The following STIM1 variants were observed in gnomAD, a reference collection of about 807,000 sequenced individuals.
The protein encoded by STIM1 is stromal interaction molecule 1.
Under a neutral mutation model 74.7 loss-of-function variants are expected in STIM1, and 25 were observed. The ratio of observed to expected loss-of-function variants is 0.33; its 90% CI spans 0.24 to 0.47. STIM1 has a LOEUF of 0.47. Ranked by LOEUF, STIM1 falls within the 20% of genes least tolerant of loss-of-function variation. STIM1 has a pLI of 1.00. For missense variants in STIM1, 728 were observed against 920.8 expected (o/e 0.79, Z 2.71); for synonymous variants, 328 against 348.8 (o/e 0.94, Z 0.66).
chr11:4,063,339 T>C (rs1209176191), intron 5 of STIM1, among the ~76,000 whole-genome samples: 1 of 152,258 alleles, frequency 6.6e-6, no homozygotes, highest in Non-Finnish European at 1.5e-5. Flanking sequence ...TTTGCCTTAC[T>C]GCACTTGGCA....
intron 2 of STIM1, among the ~76,000 whole-genome samples, chr11:3,999,960 G>A (rs2093697559): frequency 6.6e-6 from 1 of 152,222 alleles, no homozygotes; most frequent in African/African-American, 2.4e-5. Flanking sequence ...AGGGTCCTAC[G>A]CCCATGGAGT....
intron 2 of STIM1, among the ~76,000 whole-genome samples, chr11:4,018,263 CA>C (rs1331709173): frequency 6.6e-6 from 1 of 150,792 alleles, no homozygotes; most frequent in Non-Finnish European, 1.5e-5. Context: ...TCCTGGCTAA[CA>C]AGGTGAAACC....
intron 2 of STIM1, among the ~76,000 whole-genome samples, chr11:3,998,956 G>T (rs528764471): frequency 2.0e-5 from 3 of 152,202 alleles, no homozygotes; most frequent in African/African-American, 7.2e-5. Flanking sequence ...TAGCCATAGA[G>T]TCTCTGTTAC....
At chr11:3,955,450 C>T (rs1436638850) in intron 1 of STIM1, among the ~76,000 whole-genome samples, 21 of 152,018 alleles carry the variant, frequency 1.4e-4, no homozygotes, top group Admixed American at 1.4e-3. Context: ...TGATACAAGT[C>T]AGAATGTGGT....
At chr11:4,017,512 A>G (rs867873122) in intron 2 of STIM1, among the ~76,000 whole-genome samples, 4 of 151,902 alleles carry the variant, frequency 2.6e-5, no homozygotes, top group Admixed American at 6.6e-5. Context: ...AAATGAGTCT[A>G]TTTCTTGTTG....
chr11:3,912,482 A>G (rs564000856), intron 1 of STIM1, among the ~76,000 whole-genome samples: 14 of 151,730 alleles, frequency 9.2e-5, no homozygotes, highest in Non-Finnish European at 2.1e-4. Flanking sequence ...CTCCTACCTC[A>G]GCCTCCCAAG....
At chr11:4,027,899 C>T (rs4910595) in intron 3 of STIM1, among the ~76,000 whole-genome samples, 123,316 of 152,050 alleles carry the variant, frequency 0.81, 51,939 homozygotes, top group East Asian at 0.95. Context: ...AGAATTACTG[C>T]TTGCATATTT....
chr11:4,051,525 T>C (rs1402315173), intron 3 of STIM1, among the ~76,000 whole-genome samples: 1 of 151,520 alleles, frequency 6.6e-6, no homozygotes, highest in Non-Finnish European at 1.5e-5. Context: ...GTGTTTTTAA[T>C]AGAGACGAGG....
chr11:3,856,763 C>T (rs2090388532), intron 1 of STIM1, among the ~76,000 whole-genome samples: 1 of 152,140 alleles, frequency 6.6e-6, no homozygotes, highest in South Asian at 2.1e-4. Flanking sequence ...TGCTCCTATT[C>T]GGTTTTAGTA....
At chr11:4,088,635 G>A (rs1279423887) in intron 12 of STIM1, 1 of 1,439,262 alleles carries the variant, frequency 6.9e-7, no homozygotes, top group Non-Finnish European at 9.4e-7. Flanking sequence ...TGGGGAGGAA[G>A]GGCGGAGAGG....
chr11:4,004,279 T>C (rs2093753423), intron 2 of STIM1, among the ~76,000 whole-genome samples: 1 of 151,996 alleles, frequency 6.6e-6, no homozygotes, highest in Admixed American at 6.6e-5. Flanking sequence ...CATCGCCAAG[T>C]CAATCCTAAG....
intron 4 of STIM1, 122 bp downstream of exon 4, chr11:4,055,759 A>G (rs1338221793): frequency 5.9e-6 from 4 of 680,000 alleles, no homozygotes; most frequent in South Asian, 1.9e-5. Flanking sequence ...GCGTCTATAG[A>G]TCTTGCCTCT....
intron 3 of STIM1, among the ~76,000 whole-genome samples, chr11:4,044,191 G>A (rs558635639): frequency 4.6e-4 from 70 of 152,244 alleles, no homozygotes; most frequent in African/African-American, 1.6e-3. Context: ...AGGCTCAGGG[G>A]ATGGGAGACT....
intron 1 of STIM1, among the ~76,000 whole-genome samples, chr11:3,952,273 C>T (rs1366281786): frequency 6.6e-6 from 1 of 152,018 alleles, no homozygotes; most frequent in African/African-American, 2.4e-5. Flanking sequence ...ATTAGCCGAG[C>T]ACAGTGGTGC....
intron 1 of STIM1, among the ~76,000 whole-genome samples, chr11:3,966,777 A>G (rs1044108224): frequency 1.3e-5 from 2 of 152,216 alleles, no homozygotes; most frequent in African/African-American, 4.8e-5. Context: ...TATTGTGTGC[A>G]TCATTCAGAC....
At chr11:4,044,356 C>T (rs2094173636) in intron 3 of STIM1, among the ~76,000 whole-genome samples, 1 of 151,910 alleles carries the variant, frequency 6.6e-6, no homozygotes, top group African/African-American at 2.4e-5. Flanking sequence ...TGCCTTCTTC[C>T]TCACTCTGGC....
chr11:3,995,295 C>T (rs531315792), intron 2 of STIM1, among the ~76,000 whole-genome samples: 7 of 152,156 alleles, frequency 4.6e-5, no homozygotes, highest in Admixed American at 4.6e-4. Flanking sequence ...ACTTTGGGTA[C>T]TTGTCTGATT....
intron 1 of STIM1, among the ~76,000 whole-genome samples, chr11:3,893,898 C>A (rs946974103): frequency 6.6e-6 from 1 of 152,080 alleles, no homozygotes. Flanking sequence ...TTGATCTAAA[C>A]CTTCAGTCTC....
intron 1 of STIM1, chr11:3,922,494 G>C (rs1296563707): frequency 6.6e-6 from 1 of 152,114 alleles, no homozygotes; most frequent in African/African-American, 2.4e-5. Context: ...TGTGTATTAT[G>C]AATATCTTTT....
Sources: allele counts gnomAD v4.1 joint callset (sites outside exome capture counted in the v4.1 genomes callset), GRCh38; gene constraint gnomAD v4.1.1; transcripts MANE v1.5; gene names NCBI Gene and HGNC (gene_info 2026-07-23, HGNC 2026-07-21).